Variants in THSD7B observed in about 807,000 individuals in gnomAD.
THSD7B encodes the protein thrombospondin type 1 domain containing 7B.
A neutral mutation model predicts 213.6 loss-of-function variants in THSD7B; 138 were observed. That is an observed-to-expected ratio of 0.65 (90% CI 0.56 to 0.74). THSD7B has a LOEUF of 0.74. Ranked by LOEUF, THSD7B falls within the 30% of genes least tolerant of loss-of-function variation. The pLI, the probability that THSD7B is intolerant of heterozygous loss-of-function variation, is 0.00. For missense variants in THSD7B, 1,931 were observed against 1,991.5 expected (o/e 0.97, Z 0.58); for synonymous variants, 742 against 687.0 (o/e 1.08, Z -1.25).
At chr2:136,984,348 C>A (rs543198254) in intron 2 of THSD7B, among the ~76,000 whole-genome samples, 1 of 152,310 alleles carries the variant, frequency 6.6e-6, no homozygotes, top group Admixed American at 6.5e-5. Context: ...CAGATCCCTC[C>A]ATGAATGGTT....
At chr2:137,225,031 T>C (rs1023936532) in intron 7 of THSD7B, among the ~76,000 whole-genome samples, 1 of 152,240 alleles carries the variant, frequency 6.6e-6, no homozygotes, top group Non-Finnish European at 1.5e-5. Flanking sequence ...GCCTTTGCTC[T>C]ATGTTCTCTT....
chr2:137,052,345 A>G (rs1363704072), intron 2 of THSD7B, among the ~76,000 whole-genome samples: 1 of 152,176 alleles, frequency 6.6e-6, no homozygotes, highest in African/African-American at 2.4e-5. Context: ...GAAAGCAACC[A>G]GCATGAGTTT....
Position 137,321,587 on chromosome 2 carries a change from G to A in THSD7B, c.2500+45561G>A, listed in dbSNP as rs1252789637. The stretch of plus-strand genomic sequence containing the variant: ...GCTTCATTAGTCTGGCACATCAACA[G>A]CTGAATCAACCAATCATAGGCACTT... On this transcript the variant is annotated intron_variant, in intron 12 of 27. Transcript: ENST00000409968. Among the ~76,000 whole-genome samples the A allele has an allele frequency of 2.0e-5, 3 of 152,180 alleles. No individual in the cohort carries two copies. In the East Asian group the frequency reaches 5.8e-4, roughly 29 times the overall value.
Position 136,880,120 on chromosome 2 carries a change from T to C in THSD7B, c.-35-2024T>C, listed in dbSNP as rs544077968. Among the ~76,000 whole-genome samples, 541 of 152,272 alleles carry C rather than the reference T, an allele frequency of 3.6e-3. 3 individuals carry two copies. The highest frequency in any genetic ancestry group is 6.5e-3 in the Non-Finnish European group (445 of 68,014). ...TCAGCTCTGCACCAAGCAGACCTAA[T>C]AGACATCTACAGAACTCTCCACCTC... On this transcript the variant is annotated intron_variant, in intron 1 of 27. Coordinates refer to ENST00000409968, the MANE Select transcript of THSD7B (RefSeq NM_001316349.2).
At chr2:137,396,206 C>T (rs1031678413) in intron 12 of THSD7B, among the ~76,000 whole-genome samples, 1 of 140,820 alleles carries the variant, frequency 7.1e-6, no homozygotes, top group African/African-American at 2.6e-5. Context: ...CTTCTGCTAG[C>T]TTTTGAATGT....
At chr2:137,583,492 ATCCATC>A (rs1681634214) in intron 17 of THSD7B, among the ~76,000 whole-genome samples, 1 of 152,206 alleles carries the variant, frequency 6.6e-6, no homozygotes, top group Non-Finnish European at 1.5e-5. Context: ...TAAGTCTTAA[ATCCATC>A]TTGAATTAAT....
intron 10 of THSD7B, among the ~76,000 whole-genome samples, chr2:137,254,018 G>T (rs978805109): frequency 6.6e-6 from 1 of 152,130 alleles, no homozygotes; most frequent in African/African-American, 2.4e-5. Flanking sequence ...AATAATTTAT[G>T]TATGGTTAAA....
At chr2:137,293,115 T>G (rs1158631470) in intron 12 of THSD7B, among the ~76,000 whole-genome samples, 1 of 152,020 alleles carries the variant, frequency 6.6e-6, no homozygotes, top group Non-Finnish European at 1.5e-5. Context: ...TATTAAGAAC[T>G]GCCTTAGTTT....
At chr2:137,101,856 C>A (rs1044942725) in intron 4 of THSD7B, among the ~76,000 whole-genome samples, 1 of 152,202 alleles carries the variant, frequency 6.6e-6, no homozygotes, top group Non-Finnish European at 1.5e-5. Context: ...CCTCTTTGGG[C>A]AGGGCATCTC....
At chr2:137,162,917 GTC>G (rs1680046864) in intron 6 of THSD7B, among the ~76,000 whole-genome samples, 2 of 152,084 alleles carry the variant, frequency 1.3e-5, no homozygotes, top group African/African-American at 4.8e-5. Context: ...GCGCCACCAT[GTC>G]TGATTAATTT....
intron 15 of THSD7B, among the ~76,000 whole-genome samples, chr2:137,452,396 A>G (rs1346463394): frequency 6.6e-6 from 1 of 152,160 alleles, no homozygotes; most frequent in Non-Finnish European, 1.5e-5. Context: ...GTCTGAAGAG[A>G]TAATCCTTAC....
At chr2:137,443,242 G>A (rs2089148358) in intron 14 of THSD7B, among the ~76,000 whole-genome samples, 1 of 152,046 alleles carries the variant, frequency 6.6e-6, no homozygotes, top group Non-Finnish European at 1.5e-5. Context: ...AAATTGCCTG[G>A]ACTATTCAAT....
intron 3 of THSD7B, among the ~76,000 whole-genome samples, chr2:137,078,062 GC>G (rs754516817): frequency 6.6e-6 from 1 of 152,124 alleles, no homozygotes; most frequent in East Asian, 1.9e-4. Context: ...AGTTTTCCCA[GC>G]ACCATTTATT....
At chr2:137,171,151 T>C (rs781546817) in intron 7 of THSD7B, among the ~76,000 whole-genome samples, 4 of 152,182 alleles carry the variant, frequency 2.6e-5, no homozygotes, top group Non-Finnish European at 5.9e-5. Context: ...CACTATTTGA[T>C]TGTACTTAAA....
chr2:137,623,061 T>C (rs1223676095), intron 20 of THSD7B, among the ~76,000 whole-genome samples: 1 of 152,142 alleles, frequency 6.6e-6, no homozygotes, highest in African/African-American at 2.4e-5. Flanking sequence ...TTGATGAACA[T>C]CGATGCAAAA....
chr2:137,078,303 A>G (rs1456102543), intron 3 of THSD7B, among the ~76,000 whole-genome samples: 1 of 152,136 alleles, frequency 6.6e-6, no homozygotes, highest in Non-Finnish European at 1.5e-5. Context: ...TGACTTGGCA[A>G]TGTGGACTCT....
intron 15 of THSD7B, among the ~76,000 whole-genome samples, chr2:137,540,284 A>G (rs369394790): frequency 2.5e-4 from 38 of 151,896 alleles, no homozygotes; most frequent in African/African-American, 8.2e-4. Flanking sequence ...AAGCAGCAAG[A>G]ACCACTTGGC....
At chr2:137,627,430 A>G (rs1212175440) in intron 20 of THSD7B, among the ~76,000 whole-genome samples, 1 of 152,184 alleles carries the variant, frequency 6.6e-6, no homozygotes, top group Admixed American at 6.5e-5. Flanking sequence ...GGAAGGGAGG[A>G]TGGGATACCA....
intron 15 of THSD7B, among the ~76,000 whole-genome samples, chr2:137,466,854 A>G (rs1302727782): frequency 6.6e-6 from 1 of 152,124 alleles, no homozygotes; most frequent in Non-Finnish European, 1.5e-5. Context: ...ATAAAGACAG[A>G]GCTTCTTTTC....
Sources: allele counts gnomAD v4.1 joint callset (sites outside exome capture counted in the v4.1 genomes callset), GRCh38; gene constraint gnomAD v4.1.1; transcripts MANE v1.5; gene names NCBI Gene and HGNC (gene_info 2026-07-23, HGNC 2026-07-21).